The following ERBB4 variants were observed in gnomAD, a reference collection of about 807,000 sequenced individuals.
ERBB4 encodes the protein receptor tyrosine-protein kinase erbB-4.
Under a neutral mutation model 158.0 loss-of-function variants are expected in ERBB4, and 42 were observed. The ratio of observed to expected loss-of-function variants is 0.27; its 90% CI spans 0.21 to 0.34. The LOEUF is 0.34. Ranked by LOEUF, ERBB4 falls within the 10% of genes least tolerant of loss-of-function variation. The pLI is 1.00. For synonymous variants in ERBB4, 583 were observed against 558.7 expected (o/e 1.04, Z -0.61); for missense variants, 1,333 against 1,624.1 (o/e 0.82, Z 3.08).
chr2:211,406,263 T>A (rs767871592), intron 25 of ERBB4, among the ~76,000 whole-genome samples: 1 of 152,206 alleles, frequency 6.6e-6, no homozygotes, highest in South Asian at 2.1e-4. Context: ...CAACTGCATA[T>A]GGCTCTAGTG....
intron 27 of ERBB4, among the ~76,000 whole-genome samples, chr2:211,384,530 T>C (rs1322146092): frequency 1.3e-5 from 2 of 152,118 alleles, no homozygotes; most frequent in Admixed American, 6.6e-5. Flanking sequence ...AGAAATCATG[T>C]TTTTTAGTCT....
chr2:212,138,741 T>C (rs2080351905), intron 1 of ERBB4, among the ~76,000 whole-genome samples: 1 of 152,158 alleles, frequency 6.6e-6, no homozygotes, highest in Non-Finnish European at 1.5e-5. Context: ...CATTCACTTG[T>C]CTAAAAGGAT....
chr2:211,913,027 C>A (rs1378391084), intron 3 of ERBB4, among the ~76,000 whole-genome samples: 3 of 152,200 alleles, frequency 2.0e-5, no homozygotes, highest in Middle Eastern at 3.4e-3. Context: ...CTGTTTATAA[C>A]CTCAAGATGG....
chr2:211,928,716 A>G (rs2080087279), intron 3 of ERBB4, among the ~76,000 whole-genome samples: 1 of 152,228 alleles, frequency 6.6e-6, no homozygotes, highest in South Asian at 2.1e-4. Flanking sequence ...ATATGAATAT[A>G]GCATCAAAAC....
At chr2:212,491,586 C>T (rs1690281476) in intron 1 of ERBB4, among the ~76,000 whole-genome samples, 1 of 151,532 alleles carries the variant, frequency 6.6e-6, no homozygotes. Context: ...TTCAGTGGAA[C>T]ATTTAAATTT....
chr2:211,383,522 G>C lies in ERBB4; in HGVS notation c.*93C>G, dbSNP rs2062613903. 9.9e-7 allele frequency: 1 copy of C among 1,009,354 alleles called. No homozygotes were observed. The highest frequency in any genetic ancestry group is 1.6e-6 in the Non-Finnish European group (1 of 639,422). 62.5% of individuals were successfully genotyped at this position (1,009,354 alleles called of 1,614,324 possible). On this transcript the variant is annotated 3_prime_UTR_variant, in exon 28 of 28. Coordinates refer to ENST00000342788, the MANE Select transcript of ERBB4 (RefSeq NM_005235.3). ...CCACTGGGAAGTGTCAAAACTACTGGCCTTGGGGTAGAAGGAAGACCACCA... is the reference window on the plus strand; with the variant it reads ...CCACTGGGAAGTGTCAAAACTACTGCCCTTGGGGTAGAAGGAAGACCACCA...
Position 211,386,856 on chromosome 2 carries a change from G to C in ERBB4, c.3478C>G (p.Gln1160Glu). 1.2e-6 allele frequency: 2 copies of C among 1,613,986 alleles called. No homozygotes were observed. Reference protein sequence around the residue: ...YMTPMRDKPKQEYLNPVEENP... With the variant: ...YMTPMRDKPKEEYLNPVEENP... ...TTTCTGAATAATCAGTTCATACCTT[G>C]TTTGGGTTTGTCTCGCATAGGAGTC... The change falls in exon 27 of 28, where the codon CAA becomes GAA. Residue 1160 changes from glutamine (Q) to glutamate (E), a missense_variant. Around this residue, in one of 5 missense-constraint regions of ERBB4, gnomAD observed 252 missense variants for 241.3 expected, o/e 1.04. Coordinates refer to ENST00000342788, the MANE Select transcript of ERBB4 (RefSeq NM_005235.3).
chr2:211,418,931 T>TAATA (rs2063454395), intron 25 of ERBB4, among the ~76,000 whole-genome samples: 1 of 152,122 alleles, frequency 6.6e-6, no homozygotes, highest in Admixed American at 6.5e-5. Flanking sequence ...GTTTGTACTA[T>TAATA]AATATTTTTT....
intron 20 of ERBB4, among the ~76,000 whole-genome samples, chr2:211,455,600 T>C (rs2064361612): frequency 6.6e-6 from 1 of 152,208 alleles, no homozygotes; most frequent in African/African-American, 2.4e-5. Flanking sequence ...AAATGATTAC[T>C]TAAGAATCAA....
chr2:211,820,339 G>T (rs778858658), intron 3 of ERBB4, among the ~76,000 whole-genome samples: 1 of 151,706 alleles, frequency 6.6e-6, no homozygotes, highest in Admixed American at 6.6e-5. Flanking sequence ...TAGAGGAAAA[G>T]AATAAATTTC....
At chr2:211,387,298 G>T (rs1302256767) in intron 26 of ERBB4, 148 bp from the exon 27 acceptor site, 3 of 697,962 alleles carry the variant, frequency 4.3e-6, no homozygotes, top group Admixed American at 4.7e-5. Flanking sequence ...GGCTAATGGA[G>T]TTACAAACTA....
chr2:212,190,667 T>G (rs1363485871), intron 1 of ERBB4, among the ~76,000 whole-genome samples: 10 of 152,296 alleles, frequency 6.6e-5, no homozygotes, highest in Admixed American at 3.9e-4. Context: ...TTAGGGTCAG[T>G]GTCAACCAAT....
intron 2 of ERBB4, among the ~76,000 whole-genome samples, chr2:212,078,217 C>A (rs548766616): frequency 2.3e-4 from 35 of 152,112 alleles, no homozygotes; most frequent in African/African-American, 8.2e-4. Context: ...TTTGTCCCAG[C>A]AACTTCACTT....
intron 2 of ERBB4, among the ~76,000 whole-genome samples, chr2:212,037,931 C>T (rs1369722883): frequency 1.3e-5 from 2 of 152,080 alleles, no homozygotes; most frequent in African/African-American, 4.8e-5. Context: ...GAGAATGATT[C>T]TTAGAATCTC....
intron 2 of ERBB4, among the ~76,000 whole-genome samples, chr2:211,986,174 A>G (rs1412021812): frequency 6.6e-6 from 1 of 152,194 alleles, no homozygotes; most frequent in Admixed American, 6.5e-5. Context: ...GACCTGGAAC[A>G]GATTCTTTCT....
At chr2:212,299,207 A>T (rs1442626654) in intron 1 of ERBB4, among the ~76,000 whole-genome samples, 1 of 151,666 alleles carries the variant, frequency 6.6e-6, no homozygotes, top group African/African-American at 2.4e-5. Context: ...AACATGCTAC[A>T]CTGCTTCCCT....
intron 3 of ERBB4, among the ~76,000 whole-genome samples, chr2:211,879,915 A>T (rs958894772): frequency 6.6e-6 from 1 of 151,642 alleles, no homozygotes; most frequent in Admixed American, 6.6e-5. Context: ...TTTGGGTAAG[A>T]GAATGAAGTC....
chr2:211,538,409 T>C (rs2066711989), intron 20 of ERBB4, among the ~76,000 whole-genome samples: 1 of 151,812 alleles, frequency 6.6e-6, no homozygotes, highest in Non-Finnish European at 1.5e-5. Flanking sequence ...TTGGCCTTTT[T>C]CCACCATATT....
intron 2 of ERBB4, among the ~76,000 whole-genome samples, chr2:212,119,702 G>T (rs2079686161): frequency 6.6e-6 from 1 of 152,086 alleles, no homozygotes. Context: ...ATAGTAAACT[G>T]GATTTCTCTT....
Sources: gnomAD v4.1 joint callset for allele counts (sites outside exome capture counted in the v4.1 genomes callset) on GRCh38, gnomAD v4.1.1 for gene constraint, gnomAD v4.1.1 regional missense constraint, MANE v1.5 for transcripts, NCBI Gene and HGNC (gene_info 2026-07-23, HGNC 2026-07-21) for gene names.